WNT10A: variants seen among roughly 807,000 people sequenced by gnomAD.
WNT10A encodes the protein Wnt family member 10A.
Under a neutral mutation model 36.1 loss-of-function variants are expected in WNT10A, and 37 were observed. The observed-to-expected ratio is 1.02, with a 90% CI of 0.79 to 1.35. The LOEUF is 1.35. Among genes scored for constraint, WNT10A ranks in the 40% most tolerant of loss-of-function variants. WNT10A has a pLI of 0.00. For synonymous variants in WNT10A, 255 were observed against 254.1 expected, an observed-to-expected ratio of 1.00 and a Z score of -0.03; for missense variants, 613 against 601.4, an observed-to-expected ratio of 1.02 and a Z score of -0.20.
Position 218,882,329 on chromosome 2 carries a change from C to A in WNT10A, c.282C>A (p.His94Gln). 6.2e-7 allele frequency: 1 copy of A among 1,614,168 alleles called. No homozygotes were observed. Among genetic ancestry groups the A allele is most frequent in the Non-Finnish European group, 8.5e-7 (1 of 1,180,014 alleles). Residue 94 changes from histidine (H) to glutamine (Q), a missense_variant, in exon 2 of 4, where the codon CAC (histidine) becomes CAA (glutamine). His to Gln is a conservative substitution (Grantham distance 24, BLOSUM62 0). Transcript: ENST00000258411. ...TACAGGGCATCCAGATCGCCATCCA[C>A]GAATGCCAACACCAATTCAGGGACC... ...SAIQGIQIAI[H>Q]ECQHQFRDQR...
Position 218,893,061 on chromosome 2 carries a change from C to T in WNT10A, c.1044C>T (p.Arg348=). ...YFEKSPDFCE[R]EPRLDSAGTV... ...AAAAGTCTCCCGACTTCTGCGAGCGCGAGCCGCGCCTGGACTCGGCGGGCA... is the reference window on the plus strand; with the variant it reads ...AAAAGTCTCCCGACTTCTGCGAGCGTGAGCCGCGCCTGGACTCGGCGGGCA... Residue 348 remains arginine (R), a synonymous_variant, in exon 4 of 4, where the codon CGC becomes CGT. Coordinates refer to ENST00000258411, the MANE Select transcript of WNT10A (RefSeq NM_025216.3). This position sits in a 1 kb window ranked among gnomAD's most constrained non-coding sequence, Gnocchi z 6.3. 3 of 1,596,430 alleles carry T rather than the reference C, an allele frequency of 1.9e-6. No homozygotes were observed. The highest frequency in any genetic ancestry group is 2.5e-6 in the Non-Finnish European group (3 of 1,179,124).
chr2:218,889,822 G>A (rs1944624090), intron 2 of WNT10A, among the ~76,000 whole-genome samples, 162 bp from the exon 3 acceptor site: 1 of 152,210 alleles, frequency 6.6e-6, no homozygotes. Flanking sequence ...AGAAGAACTG[G>A]CTTCTGGCGT....
chr2:218,889,096 C>T (rs1199509585), intron 2 of WNT10A, among the ~76,000 whole-genome samples: 2 of 152,186 alleles, frequency 1.3e-5, no homozygotes, highest in African/African-American at 4.8e-5. Context: ...TTCCCCAAGT[C>T]CCCAAAGTCC....
chr2:218,877,276 T>G (rs1040738940), upstream of WNT10A, among the ~76,000 whole-genome samples: 3 of 152,230 alleles, frequency 2.0e-5, no homozygotes, highest in African/African-American at 7.2e-5. The surrounding 1 kb of genome is among the most constrained non-coding windows in gnomAD (Gnocchi z 4.1). Flanking sequence ...ATTGTGAGAA[T>G]GCACTTCCAT....
rs536310272 is a variant in WNT10A at position 218,889,888 on chromosome 2, G to A, written c.377-96G>A. 4 of 1,589,792 alleles carry A rather than the reference G, an allele frequency of 2.5e-6. No individual in the cohort carries two copies. In the East Asian group the frequency reaches 6.7e-5, roughly 27 times the overall value. On this transcript the variant is annotated intron_variant, in intron 2 of 3. Transcript: ENST00000258411. Reference sequence around the variant, plus strand: ...TGTGCCAGACTCTCCTGCATACTGGGCTTCAGTTTCTCCTTGGAATGATGA... The same window carrying A: ...TGTGCCAGACTCTCCTGCATACTGGACTTCAGTTTCTCCTTGGAATGATGA...
chr2:218,876,114 A>G (rs1377904191), upstream of WNT10A, among the ~76,000 whole-genome samples: 1 of 152,154 alleles, frequency 6.6e-6, no homozygotes, highest in Non-Finnish European at 1.5e-5. Context: ...TGACAGCTCT[A>G]TATGCAGTCT....
At chr2:218,886,210 T>TGCAC (rs1257412233) in intron 2 of WNT10A, among the ~76,000 whole-genome samples, 1 of 152,094 alleles carries the variant, frequency 6.6e-6, no homozygotes, top group East Asian at 1.9e-4. Context: ...TATGCATACG[T>TGCAC]GCACGCACAC....
At chr2:218,892,656 C>T (rs987182558) in intron 3 of WNT10A, 118 bp from the exon 4 acceptor site, 2 of 1,471,936 alleles carry the variant, frequency 1.4e-6, no homozygotes, top group East Asian at 2.7e-5. Flanking sequence ...CCCTCGCTCC[C>T]GGCCTCAGCG....
intron 2 of WNT10A, among the ~76,000 whole-genome samples, chr2:218,883,588 G>A (rs956471331): frequency 1.1e-5 from 1 of 93,104 alleles, no homozygotes; most frequent in Non-Finnish European, 2.1e-5. Context: ...CGCGCGCCCC[G>A]GGCGCTGTTT....
At position 218,893,062 on chromosome 2, in the gene WNT10A, G is replaced by C. The variant is rs1304489162; in HGVS notation, c.1045G>C (p.Glu349Gln). The change falls in exon 4 of 4, where the codon GAG becomes CAG. Residue 349 changes from glutamate to glutamine, a missense_variant. Glu to Gln is a conservative substitution (Grantham distance 29). Transcript: ENST00000258411. This position sits in a 1 kb window ranked among gnomAD's most constrained non-coding sequence, Gnocchi z 6.3. ...FEKSPDFCER[E>Q]PRLDSAGTVG... is the part of the protein sequence containing the mutation. Reference sequence around the variant, plus strand: ...AAAGTCTCCCGACTTCTGCGAGCGCGAGCCGCGCCTGGACTCGGCGGGCAC... The same window carrying C: ...AAAGTCTCCCGACTTCTGCGAGCGCCAGCCGCGCCTGGACTCGGCGGGCAC... 6.3e-7 allele frequency: 1 copy of C among 1,596,564 alleles called. No individual in the cohort carries two copies. Among genetic ancestry groups the C allele is most frequent in the East Asian group, 2.2e-5 (1 of 44,800 alleles).
the WNT10A span, among the ~76,000 whole-genome samples, chr2:218,874,437 G>A: frequency 5.3e-5 from 8 of 152,316 alleles, no homozygotes; most frequent in South Asian, 1.4e-3. Context: ...GGATCTGCAA[G>A]CTGGAGAAGA....
At chr2:218,883,512 A>C (rs1266399034) in intron 2 of WNT10A, among the ~76,000 whole-genome samples, 13 of 144,008 alleles carry the variant, frequency 9.0e-5, no homozygotes, top group Middle Eastern at 3.5e-3. Flanking sequence ...CCCAGCCTCC[A>C]CCAGCCCAGC....
At position 218,892,650 on chromosome 2, in the gene WNT10A, C is replaced by T. The variant is rs1343786375; in HGVS notation, c.757-124C>T. ...TCTGACTGCCTGGTTGTGGGACCCT[C>T]GCTCCCGGCCTCAGCGTTTGCCTCT... On this transcript the variant is annotated intron_variant, in intron 3 of 3. Transcript: ENST00000258411. 11 of 1,451,748 alleles carry T rather than the reference C, an allele frequency of 7.6e-6. No individual in the cohort carries two copies. The East Asian group carries it at 2.7e-4, about 36-fold the overall frequency. The allele number at this position is 1,451,748 out of a possible 1,614,324, so 89.9% of individuals were successfully genotyped here.
Position 218,880,925 on chromosome 2 carries a change from C to G in WNT10A, c.-71C>G, listed in dbSNP as rs1033361823. 7.5e-6 allele frequency: 11 copies of G among 1,473,474 alleles called. No individual in the cohort carries two copies. The highest frequency in any genetic ancestry group is 9.9e-6 in the Non-Finnish European group (11 of 1,116,572). The allele number at this position is 1,473,474 out of a possible 1,614,324, so 91.3% of individuals were successfully genotyped here. On this transcript the variant is annotated 5_prime_UTR_variant, in exon 1 of 4. Transcript: ENST00000258411. This position sits in a 1 kb window ranked among gnomAD's most constrained non-coding sequence, Gnocchi z 7.7. ...CCCCGACCCCCCGCCGATCATGCGCCGGCGCCCCTGGCTCTCCAGTCCCAC... is the reference window on the plus strand; with the variant it reads ...CCCCGACCCCCCGCCGATCATGCGCGGGCGCCCCTGGCTCTCCAGTCCCAC...
In WNT10A at chr2:218,893,184, C is replaced by G. The variant is rs767517592; in HGVS notation, c.1167C>G (p.Ser389Arg). The G allele has an allele frequency of 2.5e-6, 4 of 1,579,970 alleles. No homozygotes were observed. In the South Asian group the frequency reaches 3.4e-5, roughly 13 times the overall value. Residue 389 changes from serine (S) to arginine (R), a missense_variant, in exon 4 of 4, where the codon AGC becomes AGG. Transcript: ENST00000258411. The surrounding 1 kb of genome is among the most constrained non-coding windows in gnomAD (Gnocchi z 6.3). Reference sequence around the variant, plus strand: ...ACAACATCCTGCGCCAGACGCGCAGCGAGCGCTGCCACTGCCGCTTCCACT... The same window carrying G: ...ACAACATCCTGCGCCAGACGCGCAGGGAGCGCTGCCACTGCCGCTTCCACT... ...RGHNILRQTR[S>R]ERCHCRFHWC...
Position 218,880,874 on chromosome 2 carries a change from CGAGTCG to C in WNT10A, c.-118_-113del. On this transcript the variant is annotated 5_prime_UTR_variant, in exon 1 of 4. Transcript: ENST00000258411. The surrounding 1 kb of genome is among the most constrained non-coding windows in gnomAD (Gnocchi z 7.7). ...GCCGTCTGCTCCGGGAGCCCTGACC[CGAGTCG>C]GAGCTGTGTGTCGCAGCCGCCCCGA... 1 of 1,251,540 alleles carries C rather than the reference CGAGTCG, an allele frequency of 8.0e-7. No homozygotes were observed. Among genetic ancestry groups the C allele is most frequent in the Non-Finnish European group, 1.1e-6 (1 of 945,864 alleles). The allele number at this position is 1,251,540 out of a possible 1,614,324, so 77.5% of individuals were successfully genotyped here. A position where few individuals can be genotyped will look rare whatever the true frequency, so the allele number is the denominator to read the frequency against.
Position 218,889,969 on chromosome 2 carries a change from G to A in WNT10A, c.377-15G>A, listed in dbSNP as rs745621466. Reference sequence around the variant, plus strand: ...GCCCCTCCAGAGTCCATGTGTTCTGGGTCTTTAACCACAGGTTTCCGAGAG... The same window carrying A: ...GCCCCTCCAGAGTCCATGTGTTCTGAGTCTTTAACCACAGGTTTCCGAGAG... On this transcript the variant is annotated splice_polypyrimidine_tract_variant and intron_variant, in intron 2 of 3. Transcript: ENST00000258411. 1 of 1,612,084 alleles carries A rather than the reference G, an allele frequency of 6.2e-7. No homozygotes were observed. Among genetic ancestry groups the A allele is most frequent in the Non-Finnish European group, 8.5e-7 (1 of 1,180,036 alleles).
At chr2:218,888,629 C>T (rs1049014140) in intron 2 of WNT10A, among the ~76,000 whole-genome samples, 7 of 152,186 alleles carry the variant, frequency 4.6e-5, no homozygotes. Flanking sequence ...GGCTGGGTAG[C>T]GCCCATTTCT....
chr2:218,889,226 C>G lies in WNT10A; in HGVS notation c.377-758C>G, dbSNP rs186580823. Among the ~76,000 whole-genome samples, 35 of 152,342 alleles carry G rather than the reference C, an allele frequency of 2.3e-4. No individual in the cohort carries two copies. The East Asian group carries it at 4.8e-3, about 21-fold the overall frequency. ...CACTTAGAATAATAGTCTCAAATTCCATCCAGGTTGCTGTGAATGCCATTA... is the reference window on the plus strand; with the variant it reads ...CACTTAGAATAATAGTCTCAAATTCGATCCAGGTTGCTGTGAATGCCATTA... On this transcript the variant is annotated intron_variant, in intron 2 of 3. Transcript: ENST00000258411.
Sources: gnomAD v4.1 joint callset for allele counts (sites outside exome capture counted in the v4.1 genomes callset) on GRCh38, gnomAD v4.1.1 for gene constraint, Gnocchi (gnomAD v3.1) non-coding constraint, MANE v1.5 for transcripts, NCBI Gene and HGNC (gene_info 2026-07-23, HGNC 2026-07-21) for gene names.